The following BCAS3 variants were observed in gnomAD, a reference collection of about 807,000 sequenced individuals.
The protein encoded by BCAS3 is BCAS3 microtubule associated cell migration factor.
In BCAS3, 53 loss-of-function variants were observed where a neutral mutation model predicts 116.1. The observed-to-expected ratio is 0.46, with a 90% CI of 0.37 to 0.57. The LOEUF is 0.57. Ranked by LOEUF, BCAS3 falls within the 20% of genes least tolerant of loss-of-function variation. The probability of loss-of-function intolerance (pLI) is 0.00; values close to 1 mark genes in which losing one functional copy is unlikely to be tolerated. For missense variants in BCAS3, 917 were observed against 1,165.4 expected, an observed-to-expected ratio of 0.79 and a Z score of 3.10; for synonymous variants, 391 against 408.2, an observed-to-expected ratio of 0.96 and a Z score of 0.51.
intron 6 of BCAS3, among the ~76,000 whole-genome samples, chr17:60,767,011 C>G (rs561238711): frequency 6.6e-6 from 1 of 152,204 alleles, no homozygotes; most frequent in Non-Finnish European, 1.5e-5. Context: ...GAGCCAGGCA[C>G]GGGATATAAC....
At chr17:61,240,649 CAATA>C (rs1349080243) in intron 22 of BCAS3, among the ~76,000 whole-genome samples, 6 of 152,144 alleles carry the variant, frequency 3.9e-5, no homozygotes, top group African/African-American at 1.2e-4. Flanking sequence ...GACTCCATCT[CAATA>C]AATAAATAAT....
At chr17:60,841,077 A>G (rs2144759674) in intron 7 of BCAS3, among the ~76,000 whole-genome samples, 1 of 152,254 alleles carries the variant, frequency 6.6e-6, no homozygotes, top group African/African-American at 2.4e-5. Flanking sequence ...AAATTGTGTA[A>G]TAATTTTTCA....
chr17:61,358,087 CA>C (rs11324354), intron 22 of BCAS3, among the ~76,000 whole-genome samples: 79,917 of 138,584 alleles, frequency 0.58, 23,581 homozygotes, highest in Non-Finnish European at 0.7. Context: ...GACTCCATCT[CA>C]AAAAAAAAAA....
chr17:60,846,310 T>G (rs1330662735), intron 7 of BCAS3, among the ~76,000 whole-genome samples: 1 of 152,178 alleles, frequency 6.6e-6, no homozygotes, highest in Non-Finnish European at 1.5e-5. Context: ...TTAGTATGGT[T>G]GCATATGTAT....
In BCAS3 at chr17:61,364,553, A is replaced by G. The variant is rs2058628651; in HGVS notation, c.2426-3774A>G. Among the ~76,000 whole-genome samples, 1 of 152,072 alleles carries G rather than the reference A, an allele frequency of 6.6e-6. No homozygotes were observed. The stretch of plus-strand genomic sequence containing the variant: ...CAACATGGTGAAACCCCATCTTGAC[A>G]AAAAATTAGCTGGGCATGGTGGTGC... On this transcript the variant is annotated intron_variant, in intron 22 of 23. Transcript: ENST00000407086. The surrounding 1 kb of genome is among the most constrained non-coding windows in gnomAD (Gnocchi z 5.4).
At position 61,377,242 on chromosome 17, in the gene BCAS3, C is replaced by T. The variant is rs1326221463; in HGVS notation, c.2593+8748C>T. Among the ~76,000 whole-genome samples the T allele has an allele frequency of 6.6e-6, 1 of 152,190 alleles. No homozygotes were observed. The highest frequency in any genetic ancestry group is 2.4e-5 in the African/African-American group (1 of 41,448). On this transcript the variant is annotated intron_variant, in intron 23 of 23. Transcript: ENST00000407086. This position sits in a 1 kb window ranked among gnomAD's most constrained non-coding sequence, Gnocchi z 4.6. ...GAAAGTGTCCCCAGAGGCACAGGGC[C>T]ACCAGATAGAGAGCCCAGTCCCACC...
intron 22 of BCAS3, among the ~76,000 whole-genome samples, chr17:61,147,813 C>G (rs1163179386): frequency 1.3e-5 from 2 of 150,686 alleles, no homozygotes; most frequent in Admixed American, 6.6e-5. Context: ...ATGGAGAAAC[C>G]CCATCTCTAC....
chr17:61,352,852 T>C lies in BCAS3; in HGVS notation c.2426-15475T>C, dbSNP rs2057927563. 6.6e-6 allele frequency among the ~76,000 whole-genome samples: 1 copy of C among 152,172 alleles called. No individual in the cohort carries two copies. The highest frequency in any genetic ancestry group is 1.5e-5 in the Non-Finnish European group (1 of 68,022). ...CCTCTGCAGCTGTGCAGAGAAGGCC[T>C]GGTGCCGCCACACTCCTGCTCGGCT... On this transcript the variant is annotated intron_variant, in intron 22 of 23. Transcript: ENST00000407086. The surrounding 1 kb of genome is among the most constrained non-coding windows in gnomAD (Gnocchi z 4.7).
At chr17:60,901,309 A>G (rs905226221) in intron 10 of BCAS3, among the ~76,000 whole-genome samples, 5 of 152,190 alleles carry the variant, frequency 3.3e-5, no homozygotes, top group African/African-American at 7.2e-5. Context: ...GCAGGGAATA[A>G]GTAATAGCCT....
intron 11 of BCAS3, among the ~76,000 whole-genome samples, chr17:60,904,887 G>T (rs1175533386): frequency 6.6e-6 from 1 of 152,120 alleles, no homozygotes; most frequent in Non-Finnish European, 1.5e-5. Flanking sequence ...CTTCTCTAGA[G>T]AATTCTTTTT....
At chr17:61,160,295 T>A (rs967066151) in intron 22 of BCAS3, among the ~76,000 whole-genome samples, 4 of 152,106 alleles carry the variant, frequency 2.6e-5, no homozygotes, top group African/African-American at 7.2e-5. Context: ...ATTTTTTTTT[T>A]AATTTACTGG....
At chr17:60,810,731 C>T (rs2048731321) in intron 7 of BCAS3, 2 of 663,722 alleles carry the variant, frequency 3.0e-6, no homozygotes, top group Non-Finnish European at 5.6e-6. Context: ...TGCAAGGTCA[C>T]TGATGACACC....
At chr17:60,686,907 T>C (rs1253218965) in intron 3 of BCAS3, among the ~76,000 whole-genome samples, 4 of 152,224 alleles carry the variant, frequency 2.6e-5, no homozygotes, top group African/African-American at 7.2e-5. Flanking sequence ...TTTTACATTT[T>C]CAGTGTAAAA....
chr17:61,348,754 C>CTTT lies in BCAS3; in HGVS notation c.2426-19559_2426-19557dup, dbSNP rs34911740. ...TCTTGCAACCTCTTGGGCAGAGATT[C>CTTT]TTTTTTTTTTTTTTTTGAAACAGAG... On this transcript the variant is annotated intron_variant, in intron 22 of 23. Transcript: ENST00000407086. This position sits in a 1 kb window ranked among gnomAD's most constrained non-coding sequence, Gnocchi z 4.5. Among the ~76,000 whole-genome samples, 57 of 134,964 alleles carry CTTT rather than the reference C, an allele frequency of 4.2e-4. No homozygotes were observed. The highest frequency in any genetic ancestry group is 3.8e-3 in the Middle Eastern group (1 of 264). The allele number at this position is 134,964 out of a possible 152,430, so 88.5% of individuals were successfully genotyped here.
chr17:60,690,220 T>C (rs1404397790), intron 4 of BCAS3, among the ~76,000 whole-genome samples: 1 of 152,208 alleles, frequency 6.6e-6, no homozygotes, highest in African/African-American at 2.4e-5. Flanking sequence ...TCACTTAGCA[T>C]AGTGTCCTCA....
chr17:61,314,377 T>C (rs984741311), intron 22 of BCAS3, among the ~76,000 whole-genome samples: 1 of 152,202 alleles, frequency 6.6e-6, no homozygotes, highest in African/African-American at 2.4e-5. Flanking sequence ...CAAGTACAGA[T>C]GCCAGAAAGG....
chr17:60,815,389 C>A (rs534949170), intron 7 of BCAS3, among the ~76,000 whole-genome samples: 1 of 151,452 alleles, frequency 6.6e-6, no homozygotes, highest in African/African-American at 2.4e-5. Context: ...CGCGTGTATA[C>A]GTATGTAACA....
rs1430547808 is a variant in BCAS3 at position 61,219,248 on chromosome 17, C to A, written c.2425+134684C>A. Among the ~76,000 whole-genome samples the A allele has an allele frequency of 6.6e-6, 1 of 152,076 alleles. No individual in the cohort carries two copies. The highest frequency in any genetic ancestry group is 2.4e-5 in the African/African-American group (1 of 41,432). ...TAAACATACAATCTCTGAGAAAGAT[C>A]CTTGTCCAGAAATCCTGTGTCTCAG... is the stretch of plus-strand genomic sequence containing the variant. On this transcript the variant is annotated intron_variant, in intron 22 of 23. Coordinates refer to ENST00000407086, the MANE Select transcript of BCAS3 (RefSeq NM_017679.5). The surrounding 1 kb of genome is among the most constrained non-coding windows in gnomAD (Gnocchi z 5.2).
At chr17:61,092,344 C>G (rs2143599512) in intron 22 of BCAS3, among the ~76,000 whole-genome samples, 1 of 152,306 alleles carries the variant, frequency 6.6e-6, no homozygotes, top group South Asian at 2.1e-4. Context: ...CTCTCTCTCT[C>G]TGTCTCTCGT....
Sources: allele counts gnomAD v4.1 joint callset (sites outside exome capture counted in the v4.1 genomes callset), GRCh38; gene constraint gnomAD v4.1.1; non-coding constraint Gnocchi (gnomAD v3.1); transcripts MANE v1.5; gene names NCBI Gene and HGNC (gene_info 2026-07-23, HGNC 2026-07-21).